The following GRXCR1 variants were observed in gnomAD, a reference collection of about 807,000 sequenced individuals.
GRXCR1 encodes glutaredoxin domain-containing cysteine-rich protein 1.
GRXCR1 carries 27 observed loss-of-function variants against 27.3 expected under a neutral mutation model. The observed-to-expected ratio is 0.99, with a 90% CI of 0.73 to 1.37. GRXCR1 has a LOEUF of 1.37. GRXCR1 is among the 40% of genes most tolerant of loss of function. The pLI, the probability that GRXCR1 is intolerant of heterozygous loss-of-function variation, is 0.00. For synonymous variants in GRXCR1, 122 were observed against 131.1 expected, an observed-to-expected ratio of 0.93 and a Z score of 0.47; for missense variants, 379 against 354.4, an observed-to-expected ratio of 1.07 and a Z score of -0.56.
At chr4:42,991,699 T>C (rs182771942) in intron 2 of GRXCR1, among the ~76,000 whole-genome samples, 4 of 152,298 alleles carry the variant, frequency 2.6e-5, no homozygotes, top group Admixed American at 6.5e-5. Context: ...ATTGGTATTG[T>C]ACAACATATT....
At chr4:42,926,542 T>A (rs1367115608) in intron 1 of GRXCR1, among the ~76,000 whole-genome samples, 2 of 152,004 alleles carry the variant, frequency 1.3e-5, no homozygotes, top group Non-Finnish European at 2.9e-5. Flanking sequence ...TCAGTGATAA[T>A]GTGGACTTTC....
intron 2 of GRXCR1, among the ~76,000 whole-genome samples, chr4:42,988,144 G>T (rs901470486): frequency 6.6e-6 from 1 of 152,168 alleles, no homozygotes; most frequent in African/African-American, 2.4e-5. Context: ...GCTGGGTAGT[G>T]CAGAGTGCTA....
At chr4:42,953,742 T>C (rs1204642136) in intron 1 of GRXCR1, among the ~76,000 whole-genome samples, 2 of 152,130 alleles carry the variant, frequency 1.3e-5, no homozygotes, top group African/African-American at 2.4e-5. Flanking sequence ...GACTGTGGAT[T>C]TGGATTTTTT....
At chr4:42,979,989 T>C (rs1351604140) in intron 2 of GRXCR1, among the ~76,000 whole-genome samples, 1 of 152,050 alleles carries the variant, frequency 6.6e-6, no homozygotes, top group East Asian at 1.9e-4. Flanking sequence ...CATTTGTATT[T>C]CTCTTGTATC....
intron 2 of GRXCR1, among the ~76,000 whole-genome samples, chr4:42,971,806 C>A: frequency 6.6e-6 from 1 of 151,982 alleles, no homozygotes; most frequent in Non-Finnish European, 1.5e-5. Context: ...AAAAAATGCT[C>A]AAAGACAGCT....
intron 2 of GRXCR1, among the ~76,000 whole-genome samples, chr4:43,019,265 T>G (rs1433823403): frequency 1.3e-5 from 2 of 152,188 alleles, no homozygotes; most frequent in Non-Finnish European, 2.9e-5. Context: ...ACCCTGTGGG[T>G]TAGTTTTTTG....
chr4:42,897,125 T>C (rs1043374716), intron 1 of GRXCR1, among the ~76,000 whole-genome samples: 17 of 152,162 alleles, frequency 1.1e-4, no homozygotes, highest in African/African-American at 4.1e-4. Context: ...AAGCAAATTA[T>C]AAAATCAACA....
intron 3 of GRXCR1, among the ~76,000 whole-genome samples, chr4:43,024,069 T>C (rs962591085): frequency 1.3e-5 from 2 of 152,126 alleles, no homozygotes; most frequent in Admixed American, 6.6e-5. Context: ...TGGCAGACAC[T>C]GAATTAAAGA....
rs369500517 is a variant in GRXCR1 at position 43,030,414 on chromosome 4, A to G, written c.747A>G (p.Pro249=). The G allele has an allele frequency of 6.6e-5, 106 of 1,613,950 alleles. No individual in the cohort carries two copies. Among genetic ancestry groups the G allele is most frequent in the Admixed American group, 8.3e-5 (5 of 60,002 alleles). ...CPSCGGFGFL[P]CSVCHGSKMS... ...CTTGTGGAGGCTTTGGCTTTCTTCCATGCTCCGTGTGCCATGGGAGCAAGA... is the reference window on the plus strand; with the variant it reads ...CTTGTGGAGGCTTTGGCTTTCTTCCGTGCTCCGTGTGCCATGGGAGCAAGA... Residue 249 remains proline, a synonymous_variant, in exon 4 of 4, where the codon CCA becomes CCG. Coordinates refer to ENST00000399770, the MANE Select transcript of GRXCR1 (RefSeq NM_001080476.3).
At position 43,022,780 on chromosome 4, in the gene GRXCR1, T is replaced by C. The variant is rs567274917; in HGVS notation, c.693+2361T>C. Among the ~76,000 whole-genome samples, 11 of 152,300 alleles carry C rather than the reference T, an allele frequency of 7.2e-5. No homozygotes were observed. In the South Asian group the frequency reaches 2.3e-3, roughly 32 times the overall value. ...ATCCAAACCGATCCCACTTTTCTGG[T>C]TGGCTTTTGACAGTAGAGTAGGAGT... On this transcript the variant is annotated intron_variant, in intron 3 of 3. Transcript: ENST00000399770.
chr4:42,945,628 G>A (rs1747725539), intron 1 of GRXCR1, among the ~76,000 whole-genome samples: 1 of 152,130 alleles, frequency 6.6e-6, no homozygotes, highest in Admixed American at 6.6e-5. Context: ...TACAGAGGGT[G>A]GTTATTTTCT....
At chr4:42,994,181 G>C (rs1712072259) in intron 2 of GRXCR1, among the ~76,000 whole-genome samples, 1 of 152,108 alleles carries the variant, frequency 6.6e-6, no homozygotes, top group African/African-American at 2.4e-5. Context: ...CAAGAAAGGT[G>C]GAGAGGACTA....
intron 1 of GRXCR1, among the ~76,000 whole-genome samples, chr4:42,896,828 C>A (rs893420081): frequency 6.6e-6 from 1 of 151,996 alleles, no homozygotes; most frequent in Non-Finnish European, 1.5e-5. Flanking sequence ...GTTATTCATT[C>A]TTTTGATCAG....
chr4:42,902,219 T>G (rs1053376621), intron 1 of GRXCR1, among the ~76,000 whole-genome samples: 7 of 152,164 alleles, frequency 4.6e-5, no homozygotes, highest in African/African-American at 1.7e-4. Context: ...TAAGCACCCC[T>G]AATGAAGCAA....
intron 2 of GRXCR1, among the ~76,000 whole-genome samples, chr4:42,982,627 C>A (rs1442166543): frequency 1.6e-5 from 2 of 126,632 alleles, no homozygotes; most frequent in Non-Finnish European, 3.4e-5. Context: ...TGAGGAATCG[C>A]CACACTGACT....
chr4:43,014,327 T>C (rs1712863814), intron 2 of GRXCR1, among the ~76,000 whole-genome samples: 2 of 152,076 alleles, frequency 1.3e-5, no homozygotes, highest in South Asian at 4.2e-4. Context: ...TTGGTGGGGC[T>C]CAGGTGGCCC....
rs183053022 is a variant in GRXCR1 at position 42,894,179 on chromosome 4, T to G, written c.384+529T>G. Among the ~76,000 whole-genome samples the G allele has an allele frequency of 2.7e-3, 405 of 152,208 alleles. 3 individuals are homozygous for G. The highest frequency in any genetic ancestry group is 0.024 in the Middle Eastern group (7 of 294). On this transcript the variant is annotated intron_variant, in intron 1 of 3. Coordinates refer to ENST00000399770, the MANE Select transcript of GRXCR1 (RefSeq NM_001080476.3). ...GCAGGCTTCATTCAATATCAATTTC[T>G]CTATTAAATTGCCCATAAAAATTCT...
At chr4:43,017,665 A>G (rs1712969085) in intron 2 of GRXCR1, among the ~76,000 whole-genome samples, 1 of 152,184 alleles carries the variant, frequency 6.6e-6, no homozygotes, top group Non-Finnish European at 1.5e-5. Flanking sequence ...GGAGGTCTTG[A>G]TAAACTATGC....
At chr4:42,955,386 G>T (rs1451329401) in intron 1 of GRXCR1, among the ~76,000 whole-genome samples, 2 of 152,056 alleles carry the variant, frequency 1.3e-5, no homozygotes, top group South Asian at 4.1e-4. Flanking sequence ...CACCAGCAAT[G>T]AATTAGGCCA....
Sources: allele counts gnomAD v4.1 joint callset (sites outside exome capture counted in the v4.1 genomes callset), GRCh38; gene constraint gnomAD v4.1.1; transcripts MANE v1.5; gene names NCBI Gene and HGNC (gene_info 2026-07-23, HGNC 2026-07-21).